NCAM2: variants seen among roughly 807,000 people sequenced by gnomAD.
The protein encoded by NCAM2 is N-CAM-2.
Under a neutral mutation model 98.1 loss-of-function variants are expected in NCAM2, and 30 were observed. That is an observed-to-expected ratio of 0.31 (90% CI 0.23 to 0.41). The LOEUF (loss-of-function observed/expected upper bound fraction) is 0.41. Among genes scored for constraint, NCAM2 ranks in the 10% least tolerant of loss-of-function variants. The pLI, the probability that NCAM2 is intolerant of heterozygous loss-of-function variation, is 1.00. For missense variants in NCAM2, 867 were observed against 1,005.8 expected, an observed-to-expected ratio of 0.86 and a Z score of 1.87; for synonymous variants, 368 against 342.4, an observed-to-expected ratio of 1.07 and a Z score of -0.83.
chr21:21,523,281 G>A (rs966172271), intron 16 of NCAM2, among the ~76,000 whole-genome samples: 1 of 151,944 alleles, frequency 6.6e-6, no homozygotes, highest in East Asian at 1.9e-4. Flanking sequence ...ATGTCCTGAA[G>A]AATTTCCCCA....
At chr21:21,530,515 T>C (rs1989632602) in intron 16 of NCAM2, among the ~76,000 whole-genome samples, 1 of 150,826 alleles carries the variant, frequency 6.6e-6, no homozygotes, top group Non-Finnish European at 1.5e-5. Context: ...TAATTTTCCA[T>C]GTGGTCTATA....
At chr21:21,389,955 T>G (rs777031385) in intron 9 of NCAM2, among the ~76,000 whole-genome samples, 2 of 152,172 alleles carry the variant, frequency 1.3e-5, no homozygotes, top group Non-Finnish European at 2.9e-5. Context: ...GTTCAAGCTA[T>G]TCTCCTGCCT....
intron 1 of NCAM2, among the ~76,000 whole-genome samples, chr21:21,076,370 A>G (rs983401157): frequency 7.9e-5 from 12 of 152,162 alleles, no homozygotes; most frequent in African/African-American, 2.7e-4. Context: ...TTGCTAGGTA[A>G]TTATTTTGGG....
intron 9 of NCAM2, among the ~76,000 whole-genome samples, chr21:21,388,171 A>G (rs566028321): frequency 6.6e-6 from 1 of 152,318 alleles, no homozygotes; most frequent in African/African-American, 2.4e-5. Flanking sequence ...CAACAAAGAC[A>G]TATTTAAAGT....
intron 1 of NCAM2, among the ~76,000 whole-genome samples, chr21:21,125,068 C>T (rs1601432421): frequency 6.6e-6 from 1 of 151,920 alleles, no homozygotes; most frequent in East Asian, 1.9e-4. Flanking sequence ...TATACTATTA[C>T]CTATATTCTG....
rs1384200587 is a variant in NCAM2, at chr21:21,125,463, CAGAT to C, written c.55+126847_55+126850del. Reference sequence around the variant, plus strand: ...ATATAATGTATTACATATATAGAGACAGATATATATATCTATATATAGATATATA... The same window carrying C: ...ATATAATGTATTACATATATAGAGACATATATATCTATATATAGATATATA... On this transcript the variant is annotated intron_variant, in intron 1 of 17. Transcript: ENST00000400546. Among the ~76,000 whole-genome samples, 55 of 5,022 alleles carry C rather than the reference CAGAT, an allele frequency of 0.011. 1 individual carries two copies. The South Asian group carries it at 0.18, about 17-fold the overall frequency. 3.3% of individuals were successfully genotyped at this position (5,022 alleles called of 152,430 possible). A position where few individuals can be genotyped will look rare whatever the true frequency, so the allele number is the denominator to read the frequency against.
chr21:21,513,608 C>T (rs1367849532), intron 16 of NCAM2, among the ~76,000 whole-genome samples: 1 of 151,966 alleles, frequency 6.6e-6, no homozygotes, highest in Non-Finnish European at 1.5e-5. Context: ...TGTTTTGTGG[C>T]CTAACATACG....
At chr21:21,367,394 T>C (rs1324755899) in intron 8 of NCAM2, among the ~76,000 whole-genome samples, 1 of 151,982 alleles carries the variant, frequency 6.6e-6, no homozygotes, top group African/African-American at 2.4e-5. Context: ...AGCAGTTGTC[T>C]CCTCCTATAG....
rs780371807 is a variant in NCAM2, at chr21:21,000,409, G to A, written c.55+1791G>A. Among the ~76,000 whole-genome samples, 8 of 152,184 alleles carry A rather than the reference G, an allele frequency of 5.3e-5. No homozygotes were observed. In the East Asian group the frequency reaches 1.3e-3, roughly 26 times the overall value. On this transcript the variant is annotated intron_variant, in intron 1 of 17. Coordinates refer to ENST00000400546, the MANE Select transcript of NCAM2 (RefSeq NM_004540.5). ...TGGAATCTGAATTTATCATTGTAGA[G>A]GCTAAGTGTGTTGGAATTTGGAGAC...
At chr21:21,240,571 C>A (rs1250068042) in intron 1 of NCAM2, among the ~76,000 whole-genome samples, 3 of 152,100 alleles carry the variant, frequency 2.0e-5, no homozygotes, top group Non-Finnish European at 4.4e-5. Context: ...CATTAATTAC[C>A]CACGTTGTCT....
chr21:21,535,479 T>G (rs1602582352), intron 17 of NCAM2, among the ~76,000 whole-genome samples: 1 of 152,236 alleles, frequency 6.6e-6, no homozygotes, highest in Non-Finnish European at 1.5e-5. Context: ...TTTCTCATCC[T>G]AAATCAAAGA....
intron 1 of NCAM2, among the ~76,000 whole-genome samples, chr21:21,233,600 A>G (rs1481803403): frequency 6.6e-6 from 1 of 151,662 alleles, no homozygotes; most frequent in Non-Finnish European, 1.5e-5. Context: ...TGCTGTCTGG[A>G]AAATGGTACT....
intron 14 of NCAM2, among the ~76,000 whole-genome samples, chr21:21,471,423 A>G (rs1602438585): frequency 6.6e-6 from 1 of 152,148 alleles, no homozygotes; most frequent in African/African-American, 2.4e-5. Flanking sequence ...TACTTCATCT[A>G]TTAGTTTCTC....
At chr21:21,147,336 A>G in intron 1 of NCAM2, 1 of 953,460 alleles carries the variant, frequency 1.0e-6, no homozygotes, top group African/African-American at 1.8e-5. Flanking sequence ...TGTTGAAAGA[A>G]GGGGCTAGAA....
intron 1 of NCAM2, among the ~76,000 whole-genome samples, chr21:21,239,646 T>C (rs1283331739): frequency 6.6e-6 from 1 of 152,132 alleles, no homozygotes; most frequent in Admixed American, 6.5e-5. Context: ...GTAATAAATG[T>C]AGACACTGAT....
chr21:21,284,863 C>G (rs376421884), intron 3 of NCAM2, among the ~76,000 whole-genome samples: 1 of 151,554 alleles, frequency 6.6e-6, no homozygotes, highest in African/African-American at 2.4e-5. Context: ...AATATTGAGT[C>G]AGGATTCTTT....
chr21:21,316,543 T>G lies in NCAM2; in HGVS notation c.620-7840T>G, dbSNP rs572095352. ...ATTTTATCTTTTATTCTTTTTTTTT[T>G]TTTTTTTTTTGAGACAGAGTCTCAC... On this transcript the variant is annotated intron_variant, in intron 5 of 17. Transcript: ENST00000400546. 1.5e-3 allele frequency among the ~76,000 whole-genome samples: 218 copies of G among 145,854 alleles called. 1 individual carries two copies. The highest frequency in any genetic ancestry group is 5.3e-3 in the African/African-American group (212 of 39,680).
At chr21:21,087,561 T>G (rs2065929090) in intron 1 of NCAM2, among the ~76,000 whole-genome samples, 2 of 152,208 alleles carry the variant, frequency 1.3e-5, no homozygotes, top group Admixed American at 6.5e-5. Flanking sequence ...TTGTGGTTCT[T>G]CTGTAGCTTG....
At chr21:21,530,736 T>C (rs751135013) in intron 16 of NCAM2, among the ~76,000 whole-genome samples, 10 of 152,036 alleles carry the variant, frequency 6.6e-5, no homozygotes, top group Non-Finnish European at 1.3e-4. Context: ...AGTATTTCTC[T>C]GCTTCTTTAT....
Sources: allele counts gnomAD v4.1 joint callset (sites outside exome capture counted in the v4.1 genomes callset), GRCh38; gene constraint gnomAD v4.1.1; transcripts MANE v1.5; gene names NCBI Gene and HGNC (gene_info 2026-07-23, HGNC 2026-07-21).